ZNF420: variants seen among roughly 807,000 people sequenced by gnomAD.
The protein encoded by ZNF420 is zinc finger protein 420.
A neutral mutation model predicts 44.7 loss-of-function variants in ZNF420; 31 were observed. The observed-to-expected ratio is 0.69, with a 90% CI of 0.52 to 0.94. The LOEUF is 0.94. ZNF420 is among the 40% of genes least tolerant of loss of function. The pLI is 0.00. For missense variants in ZNF420, 681 were observed against 827.9 expected, an observed-to-expected ratio of 0.82 and a Z score of 2.18; for synonymous variants, 245 against 267.4, an observed-to-expected ratio of 0.92 and a Z score of 0.82.
intron 3 of ZNF420, among the ~76,000 whole-genome samples, chr19:37,090,261 T>C (rs1969054662): frequency 6.6e-6 from 1 of 152,046 alleles, no homozygotes; most frequent in Admixed American, 6.6e-5. Context: ...TCCCAGCACT[T>C]TGGGAGGCCT....
chr19:37,115,726 C>T (rs1970640046), intron 4 of ZNF420, among the ~76,000 whole-genome samples: 1 of 151,922 alleles, frequency 6.6e-6, no homozygotes, highest in Non-Finnish European at 1.5e-5. Flanking sequence ...TTTACTAATC[C>T]TCCTCAGCAC....
At chr19:37,063,662 C>A (rs931721120) in intron 1 of ZNF420, among the ~76,000 whole-genome samples, 16 of 150,770 alleles carry the variant, frequency 1.1e-4, no homozygotes, top group Admixed American at 6.6e-5. Flanking sequence ...TAATAAATAT[C>A]ATATCCTCCT....
intron 1 of ZNF420, among the ~76,000 whole-genome samples, chr19:37,031,108 G>T (rs112325779): frequency 6.6e-6 from 1 of 152,170 alleles, no homozygotes; most frequent in East Asian, 1.9e-4. Flanking sequence ...ACCCACCTTG[G>T]CCTCCCAAAG....
At chr19:37,011,231 C>G (rs2074566794) in intron 1 of ZNF420, among the ~76,000 whole-genome samples, 1 of 152,208 alleles carries the variant, frequency 6.6e-6, no homozygotes, top group African/African-American at 2.4e-5. Flanking sequence ...GTTTCTCTCT[C>G]CAAACCCGTT....
chr19:37,030,963 G>A (rs1260419503), intron 1 of ZNF420, among the ~76,000 whole-genome samples: 1 of 152,022 alleles, frequency 6.6e-6, no homozygotes, highest in Admixed American at 6.6e-5. Flanking sequence ...CATGATCTTG[G>A]CTCACTGTAG....
chr19:37,124,711 GGCTGGCTT>G, intron 4 of ZNF420, among the ~76,000 whole-genome samples: 1 of 151,872 alleles, frequency 6.6e-6, no homozygotes, highest in East Asian at 1.9e-4. Flanking sequence ...CTGTTGCCCA[GGCTGGCTT>G]GCTAGTGGTG....
chr19:37,116,242 C>T (rs111775794), intron 4 of ZNF420, among the ~76,000 whole-genome samples: 2,605 of 151,874 alleles, frequency 0.017, 81 homozygotes, highest in African/African-American at 0.059. Flanking sequence ...TGATGGCACA[C>T]GCAGGGATTC....
At chr19:37,103,977 T>G (rs1437724802) in intron 4 of ZNF420, among the ~76,000 whole-genome samples, 3 of 110,746 alleles carry the variant, frequency 2.7e-5, no homozygotes, top group Non-Finnish European at 5.5e-5. Flanking sequence ...ATTTTTTTTT[T>G]GTCTTTTTTT....
chr19:37,075,772 C>G (rs1968136623), upstream of ZNF420, among the ~76,000 whole-genome samples: 1 of 151,874 alleles, frequency 6.6e-6, no homozygotes, highest in South Asian at 2.1e-4. Flanking sequence ...AACAAACAAA[C>G]AAACAAAAAC....
rs1269112723 is a variant in ZNF420 at position 37,129,926 on chromosome 19, A to C, written c.*868A>C. 7.5e-7 allele frequency: 1 copy of C among 1,342,180 alleles called. No individual in the cohort carries two copies. The allele number at this position is 1,342,180 out of a possible 1,614,324, so 83.1% of individuals were successfully genotyped here. On this transcript the variant is annotated 3_prime_UTR_variant, in exon 5 of 5. Coordinates refer to ENST00000337995, the MANE Select transcript of ZNF420 (RefSeq NM_144689.5). Reference sequence around the variant, plus strand: ...AAGTAAACAAAATAACTGATATTACAGACTATTTTGCAATGAAAAATGATG... The same window carrying C: ...AAGTAAACAAAATAACTGATATTACCGACTATTTTGCAATGAAAAATGATG...
intron 1 of ZNF420, among the ~76,000 whole-genome samples, chr19:37,011,357 G>A (rs1009850681): frequency 1.3e-5 from 2 of 152,206 alleles, no homozygotes; most frequent in Non-Finnish European, 2.9e-5. Context: ...GCTGGCCTTG[G>A]CTTCTAGGAA....
intron 1 of ZNF420, among the ~76,000 whole-genome samples, chr19:37,058,188 TTCTC>T (rs774663962): frequency 9.2e-5 from 14 of 152,080 alleles, no homozygotes; most frequent in Non-Finnish European, 2.1e-4. Flanking sequence ...TCATAATTGT[TTCTC>T]TCTCCAAACC....
At chr19:37,008,418 C>T (rs1259734550) in intron 1 of ZNF420, among the ~76,000 whole-genome samples, 1 of 152,192 alleles carries the variant, frequency 6.6e-6, no homozygotes, top group East Asian at 1.9e-4. Flanking sequence ...GCATCTCTGC[C>T]TGGGTCATGT....
At chr19:37,115,427 G>T (rs1199965057) in intron 4 of ZNF420, among the ~76,000 whole-genome samples, 2 of 151,976 alleles carry the variant, frequency 1.3e-5, no homozygotes, top group Non-Finnish European at 2.9e-5. Flanking sequence ...AGGACCGTAG[G>T]GTAATAGTGG....
chr19:37,040,133 T>C (rs911299364), intron 1 of ZNF420, among the ~76,000 whole-genome samples: 4 of 152,204 alleles, frequency 2.6e-5, no homozygotes, highest in African/African-American at 9.7e-5. Flanking sequence ...TGACAATCCA[T>C]TGTTCAGTAT....
rs183822406 is a variant in ZNF420, at chr19:37,021,970, A to C, written c.-125+13888A>C. On this transcript the variant is annotated intron_variant, in intron 1 of 4. Coordinates refer to the ZNF420 transcript ENST00000587029. ...AAAAAAAAAAAAAAAAAAAGAAAAG[A>C]AAAAATGAATAGTTGTACATTACTG... Among the ~76,000 whole-genome samples the C allele has an allele frequency of 9.4e-4, 141 of 150,456 alleles. 1 individual carries two copies. The highest frequency in any genetic ancestry group is 3.3e-3 in the African/African-American group (136 of 41,120).
chr19:37,122,992 A>G (rs1489603193), intron 4 of ZNF420, among the ~76,000 whole-genome samples: 1 of 152,208 alleles, frequency 6.6e-6, no homozygotes, highest in Non-Finnish European at 1.5e-5. Flanking sequence ...GGTCTGCCCC[A>G]TCACAGTGAG....
intron 4 of ZNF420, chr19:37,115,192 C>G (rs1190351804): frequency 5.9e-6 from 1 of 168,948 alleles, no homozygotes; most frequent in Non-Finnish European, 1.3e-5. Flanking sequence ...ACGTTGGACA[C>G]CCGATGAAGG....
intron 4 of ZNF420, among the ~76,000 whole-genome samples, chr19:37,095,062 C>T (rs1289062231): frequency 1.4e-5 from 2 of 146,772 alleles, no homozygotes; most frequent in African/African-American, 2.5e-5. Context: ...ACCTGGGAGG[C>T]GGAGGTTGCA....
Sources: gnomAD v4.1 joint callset for allele counts (sites outside exome capture counted in the v4.1 genomes callset) on GRCh38, gnomAD v4.1.1 for gene constraint, MANE v1.5 for transcripts, NCBI Gene and HGNC (gene_info 2026-07-23, HGNC 2026-07-21) for gene names.